The following TASP1 variants were observed in gnomAD, a reference collection of about 807,000 sequenced individuals.
TASP1 encodes taspase 1.
TASP1 carries 16 observed loss-of-function variants against 56.6 expected under a neutral mutation model. The ratio of observed to expected loss-of-function variants is 0.28; its 90% CI spans 0.19 to 0.43. The LOEUF (loss-of-function observed/expected upper bound fraction) is 0.43. TASP1 is among the 20% of genes least tolerant of loss of function. The probability of loss-of-function intolerance (pLI) is 1.00; values close to 1 mark genes in which losing one functional copy is unlikely to be tolerated. For synonymous variants in TASP1, 179 were observed against 184.2 expected (o/e 0.97, Z 0.23); for missense variants, 393 against 511.6 (o/e 0.77, Z 2.24).
At chr20:13,119,993 A>G in the TASP1 span, among the ~76,000 whole-genome samples, 5 of 152,170 alleles carry the variant, frequency 3.3e-5, no homozygotes, top group African/African-American at 1.2e-4. Context: ...GTTCCTTTGT[A>G]CCTTTAATTC....
At chr20:13,374,985 C>T in the TASP1 span, among the ~76,000 whole-genome samples, 9 of 152,146 alleles carry the variant, frequency 5.9e-5, no homozygotes, top group Admixed American at 2.6e-4. Flanking sequence ...CACTAATTAC[C>T]ACTAATTGTT....
rs897202275 is a variant in TASP1, at chr20:13,582,368, G to A, written c.404-1387C>T. 4.6e-5 allele frequency among the ~76,000 whole-genome samples: 6 copies of A among 129,612 alleles called. No individual in the cohort carries two copies. The Admixed American group carries it at 4.8e-4, about 10-fold the overall frequency. 85.0% of individuals were successfully genotyped at this position (129,612 alleles called of 152,430 possible). A position where few individuals can be genotyped will look rare whatever the true frequency, so the allele number is the denominator to read the frequency against. ...TTTATAACTTATAACTTATAAATTG[G>A]ATTTATAAGTTATAAGTTACAACTT... On this transcript the variant is annotated intron_variant, in intron 5 of 13. Transcript: ENST00000337743.
intron 11 of TASP1, among the ~76,000 whole-genome samples, chr20:13,481,595 C>T (rs970892469): frequency 4.6e-5 from 7 of 152,098 alleles, no homozygotes; most frequent in Non-Finnish European, 7.4e-5. Context: ...TATTGCCTAT[C>T]TTTTGGATAT....
At chr20:13,304,936 G>T in the TASP1 span, among the ~76,000 whole-genome samples, 4,015 of 152,132 alleles carry the variant, frequency 0.026, 52 homozygotes, top group Non-Finnish European at 0.031. Flanking sequence ...CTTGCTCAGC[G>T]CCATCTCTCA....
At chr20:13,183,935 G>T in the TASP1 span, among the ~76,000 whole-genome samples, 1 of 151,464 alleles carries the variant, frequency 6.6e-6, no homozygotes, top group African/African-American at 2.4e-5. Flanking sequence ...AGGCTGAGGC[G>T]GGAGAATGGT....
chr20:13,587,691 T>G (rs1180261988), intron 4 of TASP1, among the ~76,000 whole-genome samples: 1 of 151,360 alleles, frequency 6.6e-6, no homozygotes, highest in East Asian at 1.9e-4. Flanking sequence ...TAATACCCTG[T>G]ATTAATAAAA....
At chr20:13,211,791 C>T in the TASP1 span, among the ~76,000 whole-genome samples, 1 of 151,958 alleles carries the variant, frequency 6.6e-6, no homozygotes, top group African/African-American at 2.4e-5. Flanking sequence ...AGTAAACAGG[C>T]CAAATCCTAC....
the TASP1 span, among the ~76,000 whole-genome samples, chr20:13,302,121 G>GACA: frequency 6.6e-6 from 1 of 152,016 alleles, no homozygotes; most frequent in South Asian, 2.1e-4. Flanking sequence ...AGGTATTTTT[G>GACA]TTAAGGATTT....
At chr20:13,617,803 T>C (rs1852203948) in intron 4 of TASP1, among the ~76,000 whole-genome samples, 5 of 152,070 alleles carry the variant, frequency 3.3e-5, no homozygotes. Context: ...AAACTTGTTA[T>C]AAGTTTGGTG....
At chr20:13,606,444 A>G (rs1438086446) in intron 4 of TASP1, among the ~76,000 whole-genome samples, 1 of 152,100 alleles carries the variant, frequency 6.6e-6, no homozygotes, top group African/African-American at 2.4e-5. Context: ...ACTTTCCGCT[A>G]CCTGACAGTA....
At chr20:13,210,919 C>G in the TASP1 span, among the ~76,000 whole-genome samples, 1 of 152,110 alleles carries the variant, frequency 6.6e-6, no homozygotes, top group Non-Finnish European at 1.5e-5. Flanking sequence ...CCTCTTACCA[C>G]AGAGCCAATG....
intron 10 of TASP1, among the ~76,000 whole-genome samples, chr20:13,492,272 C>G (rs1043251580): frequency 3.9e-5 from 6 of 152,122 alleles, no homozygotes; most frequent in Non-Finnish European, 7.4e-5. Context: ...TCAACACATC[C>G]CCTCTTAGAA....
At chr20:13,336,191 G>A in the TASP1 span, among the ~76,000 whole-genome samples, 1 of 152,194 alleles carries the variant, frequency 6.6e-6, no homozygotes, top group Non-Finnish European at 1.5e-5. Context: ...CTTCCTGGGT[G>A]TGCTACCACT....
chr20:13,123,274 T>A, the TASP1 span, among the ~76,000 whole-genome samples: 9 of 151,336 alleles, frequency 5.9e-5, no homozygotes, highest in East Asian at 1.7e-3. Flanking sequence ...AAGGTTGCAG[T>A]GAGCCAAGGT....
At chr20:13,607,277 G>A (rs113434096) in intron 4 of TASP1, among the ~76,000 whole-genome samples, 12 of 152,264 alleles carry the variant, frequency 7.9e-5, no homozygotes, top group African/African-American at 2.9e-4. Flanking sequence ...CTCCCACCAC[G>A]ACATGGAAAC....
chr20:13,314,965 T>C, the TASP1 span, among the ~76,000 whole-genome samples: 1 of 152,036 alleles, frequency 6.6e-6, no homozygotes, highest in African/African-American at 2.4e-5. Flanking sequence ...TATTTGAAAG[T>C]GGACTTGGAT....
At chr20:13,177,402 G>GA in the TASP1 span, among the ~76,000 whole-genome samples, 5 of 151,774 alleles carry the variant, frequency 3.3e-5, no homozygotes, top group East Asian at 1.9e-4. Flanking sequence ...CAAAGAAACA[G>GA]AAAAAAAATT....
the TASP1 span, among the ~76,000 whole-genome samples, chr20:13,306,564 C>CAAAAAAAAAAAAAAA: frequency 3.1e-5 from 2 of 63,914 alleles, no homozygotes; most frequent in African/African-American, 1.4e-4. Flanking sequence ...GGAGAAAGGA[C>CAAAAAAAAAAAAAAA]AAAAAAAAAA....
chr20:13,356,945 T>C, the TASP1 span, among the ~76,000 whole-genome samples: 8 of 152,212 alleles, frequency 5.3e-5, no homozygotes, highest in Non-Finnish European at 1.2e-4. Flanking sequence ...CACCCTTGTT[T>C]GTAGAGTCAC....
Sources: allele counts gnomAD v4.1 joint callset (sites outside exome capture counted in the v4.1 genomes callset), GRCh38; gene constraint gnomAD v4.1.1; transcripts MANE v1.5; gene names NCBI Gene and HGNC (gene_info 2026-07-23, HGNC 2026-07-21).